Variants in MYBL2 observed in about 807,000 individuals in gnomAD.
MYBL2 encodes MYB proto-oncogene like 2, also known as myb-related protein B.
Under a neutral mutation model 79.9 loss-of-function variants are expected in MYBL2, and 28 were observed. The observed-to-expected ratio is 0.35, with a 90% CI of 0.26 to 0.48. The LOEUF is 0.48. Ranked by LOEUF, MYBL2 falls within the 20% of genes least tolerant of loss-of-function variation. The pLI is 0.99. For synonymous variants in MYBL2, 378 were observed against 361.2 expected (o/e 1.05, Z -0.53); for missense variants, 735 against 893.9 (o/e 0.82, Z 2.27).
chr20:43,667,337 C>G (rs913749848), intron 1 of MYBL2, 34 bp downstream of exon 1: 73 of 1,223,546 alleles, frequency 6.0e-5, no homozygotes, highest in Non-Finnish European at 7.1e-5. Context: ...GGCCCCTCCC[C>G]CTCCCTTTAA....
At chr20:43,674,234 C>CCTTT (rs33986259) in intron 2 of MYBL2, among the ~76,000 whole-genome samples, 4 of 72,228 alleles carry the variant, frequency 5.5e-5, no homozygotes, top group African/African-American at 1.3e-4. Context: ...TCCCCCCACC[C>CCTTT]TTTTTTTTTT....
intron 6 of MYBL2, 95 bp downstream of exon 6, chr20:43,692,414 T>G: frequency 6.7e-7 from 1 of 1,492,688 alleles, no homozygotes; most frequent in Non-Finnish European, 9.1e-7. Flanking sequence ...GGTCAGTTTC[T>G]GCCACAGAGT....
intron 12 of MYBL2, among the ~76,000 whole-genome samples, chr20:43,714,486 AG>A (rs1369038391): frequency 6.6e-6 from 1 of 152,132 alleles, no homozygotes; most frequent in Non-Finnish European, 1.5e-5. Context: ...CACCCATCCC[AG>A]GGCTGATGTG....
At chr20:43,711,992 G>T (rs933484104) in intron 11 of MYBL2, among the ~76,000 whole-genome samples, 2 of 152,074 alleles carry the variant, frequency 1.3e-5, no homozygotes, top group African/African-American at 2.4e-5. Flanking sequence ...CCGCAGAAAG[G>T]GAGGTTCCAA....
chr20:43,702,497 A>G lies in MYBL2; in HGVS notation c.959A>G (p.Asp320Gly). 3.1e-6 allele frequency: 5 copies of G among 1,596,906 alleles called. No individual in the cohort carries two copies. Among genetic ancestry groups the G allele is most frequent in the Non-Finnish European group, 4.3e-6 (5 of 1,166,180 alleles). Residue 320 changes from aspartate (D) to glycine (G), a missense_variant, in exon 8 of 14, where the codon GAT becomes GGT. By Grantham distance (94) the Asp-to-Gly change is moderately conservative. Coordinates refer to ENST00000217026, the MANE Select transcript of MYBL2 (RefSeq NM_002466.4). ...EALDLIESDP[D>G]AWCDLSKFDL... ...ACCTCCCTCCCTGGACAGGACCCTG[A>G]TGCTTGGTGTGACCTGAGTAAATTT... is the stretch of plus-strand genomic sequence containing the variant.
chr20:43,708,106 C>T (rs1372839021), intron 9 of MYBL2, among the ~76,000 whole-genome samples: 3 of 151,946 alleles, frequency 2.0e-5, no homozygotes, highest in Non-Finnish European at 2.9e-5. Context: ...CCCTGCCTCC[C>T]TGAGTTTTCT....
chr20:43,674,011 A>C (rs756672936), intron 2 of MYBL2, 112 bp downstream of exon 2: 2 of 946,972 alleles, frequency 2.1e-6, no homozygotes, highest in Non-Finnish European at 3.3e-6. Flanking sequence ...GGAGCCGGTG[A>C]AGGAAGGGAT....
chr20:43,707,440 C>T (rs1987816114), intron 9 of MYBL2, among the ~76,000 whole-genome samples: 1 of 152,158 alleles, frequency 6.6e-6, no homozygotes, highest in Non-Finnish European at 1.5e-5. Flanking sequence ...GAAGCATCTC[C>T]AGTGCTCTTC....
chr20:43,684,140 GCTGGTTGAACTT>G (rs1987211462), intron 4 of MYBL2, among the ~76,000 whole-genome samples: 1 of 151,768 alleles, frequency 6.6e-6, no homozygotes, highest in African/African-American at 2.4e-5. Context: ...TGCTGCCCAG[GCTGGTTGAACTT>G]CTGGGCTCAA....
chr20:43,703,207 G>A (rs753731016), intron 8 of MYBL2, among the ~76,000 whole-genome samples: 10 of 152,152 alleles, frequency 6.6e-5, no homozygotes, highest in Admixed American at 3.3e-4. Flanking sequence ...TTCAGTCCAC[G>A]TATGGAACCT....
intron 9 of MYBL2, among the ~76,000 whole-genome samples, chr20:43,706,697 T>C (rs1163660627): frequency 4.3e-5 from 3 of 69,286 alleles, no homozygotes; most frequent in South Asian, 5.1e-4. Flanking sequence ...GGAGACCCTG[T>C]CTGTACACAA....
chr20:43,677,482 C>T (rs1332327403), intron 2 of MYBL2, among the ~76,000 whole-genome samples: 1 of 152,188 alleles, frequency 6.6e-6, no homozygotes, highest in Non-Finnish European at 1.5e-5. Context: ...TGAGGGAAGA[C>T]CTACAGTGTG....
At chr20:43,701,197 C>T (rs773255925) in intron 7 of MYBL2, among the ~76,000 whole-genome samples, 18 of 152,212 alleles carry the variant, frequency 1.2e-4, no homozygotes, top group Admixed American at 2.6e-4. Flanking sequence ...TGACCTTCAG[C>T]GCCTGTTGGG....
Position 43,716,407 on chromosome 20 carries a change from G to C in MYBL2, c.*320G>C, listed in dbSNP as rs748658344. 20 of 384,952 alleles carry C rather than the reference G, an allele frequency of 5.2e-5. 1 individual carries two copies. Among genetic ancestry groups the C allele is most frequent in the Non-Finnish European group, 7.9e-5 (17 of 214,436 alleles). The allele number at this position is 384,952 out of a possible 1,614,324, so 23.8% of individuals were successfully genotyped here. On this transcript the variant is annotated 3_prime_UTR_variant, in exon 14 of 14. Transcript: ENST00000217026. The stretch of plus-strand genomic sequence containing the variant: ...CATCTCAGACCCTGCTTAGGATGGG[G>C]GATGTGGCCAGGGGTGCTCCTGTGC...
intron 6 of MYBL2, among the ~76,000 whole-genome samples, chr20:43,698,820 C>T (rs1274579847): frequency 1.4e-5 from 2 of 146,170 alleles, no homozygotes; most frequent in South Asian, 2.2e-4. Flanking sequence ...AGGTGTGAGC[C>T]GCCACACCCA....
rs765477386 is a variant in MYBL2, at chr20:43,702,721, A to G, written c.1183A>G (p.Ser395Gly). Residue 395 changes from serine (S) to glycine (G), a missense_variant, in exon 8 of 14, where the codon AGC (serine) becomes GGC (glycine). This residue lies in a region of MYBL2 where 243 missense variants were observed against 327.2 expected (regional missense o/e 0.74). Coordinates refer to ENST00000217026, the MANE Select transcript of MYBL2 (RefSeq NM_002466.4). ...GGGCGAGCTGATCCCCATCTCCCCCAGCACTGAAGTCGGGGGCTCTGGCAT... is the reference window on the plus strand; with the variant it reads ...GGGCGAGCTGATCCCCATCTCCCCCGGCACTGAAGTCGGGGGCTCTGGCAT... ...SRGELIPISPSTEVGGSGIGT... is the reference protein window; with the variant it reads ...SRGELIPISPGTEVGGSGIGT... 4 of 1,614,030 alleles carry G rather than the reference A, an allele frequency of 2.5e-6. No homozygotes were observed. The highest frequency in any genetic ancestry group is 3.4e-6 in the Non-Finnish European group (4 of 1,179,938).
Position 43,693,125 on chromosome 20 carries a change from T to C in MYBL2, c.663+806T>C, listed in dbSNP as rs1173993541. On this transcript the variant is annotated intron_variant, in intron 6 of 13. Coordinates refer to ENST00000217026, the MANE Select transcript of MYBL2 (RefSeq NM_002466.4). The stretch of plus-strand genomic sequence containing the variant: ...TTGGCTCACTGTAACCTCTGCCTCC[T>C]GGGATCAAGCGATCTCATGCCTCAG... Among the ~76,000 whole-genome samples the C allele has an allele frequency of 2.0e-5, 3 of 152,116 alleles. No individual in the cohort carries two copies. The East Asian group carries it at 5.8e-4, about 29-fold the overall frequency.
At chr20:43,702,402 C>G in intron 7 of MYBL2, 88 bp from the exon 8 acceptor site, 1 of 1,409,890 alleles carries the variant, frequency 7.1e-7, no homozygotes, top group Non-Finnish European at 9.7e-7. Context: ...TGGGATCATA[C>G]TTGACACTTA....
rs112215147 is a variant in MYBL2 at position 43,711,559 on chromosome 20, C to T, written c.1677C>T (p.Ile559=). The T allele has an allele frequency of 1.7e-4, 270 of 1,613,628 alleles. 1 individual carries two copies. In the African/African-American group the frequency reaches 2.8e-3, roughly 17 times the overall value. ...LRSEAGIELI[I]EDDIRPEKQK... is the part of the protein sequence containing the mutation. Reference sequence around the variant, plus strand: ...CTGAGGCTGGCATCGAACTCATCATCGAGGACGACATCAGGCCCGAGAAGC... The same window carrying T: ...CTGAGGCTGGCATCGAACTCATCATTGAGGACGACATCAGGCCCGAGAAGC... Residue 559 remains isoleucine, a synonymous_variant, in exon 11 of 14, where the codon ATC becomes ATT. Coordinates refer to ENST00000217026, the MANE Select transcript of MYBL2 (RefSeq NM_002466.4).
Sources: allele counts gnomAD v4.1 joint callset (sites outside exome capture counted in the v4.1 genomes callset), GRCh38; gene constraint gnomAD v4.1.1; regional missense constraint gnomAD v4.1.1; transcripts MANE v1.5; gene names NCBI Gene and HGNC (gene_info 2026-07-23, HGNC 2026-07-21).